MED13L: variants seen among roughly 807,000 people sequenced by gnomAD.
MED13L encodes the protein mediator of RNA polymerase II transcription subunit 13-like.
A neutral mutation model predicts 220.9 loss-of-function variants in MED13L; 7 were observed. The ratio of observed to expected loss-of-function variants is 0.03; its 90% CI spans 0.02 to 0.06. The LOEUF is 0.06. Among genes scored for constraint, MED13L ranks in the 10% least tolerant of loss-of-function variants. The pLI, the probability that MED13L is intolerant of heterozygous loss-of-function variation, is 1.00. For synonymous variants in MED13L, 1,011 were observed against 1,015.2 expected, an observed-to-expected ratio of 1.00 and a Z score of 0.08; for missense variants, 1,965 against 2,760.5, an observed-to-expected ratio of 0.71 and a Z score of 6.46.
intron 2 of MED13L, among the ~76,000 whole-genome samples, chr12:116,166,696 T>C (rs1363597744): frequency 6.6e-6 from 1 of 152,182 alleles, no homozygotes; most frequent in Non-Finnish European, 1.5e-5. Flanking sequence ...CACTGCAGTT[T>C]TGTGTTATTT....
chr12:115,992,025 C>G (rs1878095677), intron 16 of MED13L, 68 bp from the exon 17 acceptor site: 1 of 1,308,120 alleles, frequency 7.6e-7, no homozygotes, highest in African/African-American at 1.5e-5. Context: ...GACACATGAT[C>G]ACCCCAGCCA....
At chr12:116,101,495 T>G (rs1331440564) in intron 3 of MED13L, among the ~76,000 whole-genome samples, 4 of 152,214 alleles carry the variant, frequency 2.6e-5, no homozygotes. Context: ...TATTTGAATT[T>G]TCTTATGTGT....
At chr12:116,251,185 T>C (rs979969544) in intron 1 of MED13L, among the ~76,000 whole-genome samples, 1 of 145,642 alleles carries the variant, frequency 6.9e-6, no homozygotes, top group Non-Finnish European at 1.5e-5. Flanking sequence ...ATGGGACCAA[T>C]AGGGAGGAAA....
Position 116,251,639 on chromosome 12 carries a change from T to G in MED13L, c.73-13934A>C, listed in dbSNP as rs182847714. On this transcript the variant is annotated intron_variant, in intron 1 of 30. Coordinates refer to ENST00000281928, the MANE Select transcript of MED13L (RefSeq NM_015335.5). ...TAGCCAGCATGGTGGCAGGCGCCCA[T>G]AGTCCCAGCTACTCGGGAGGCTGAG... Among the ~76,000 whole-genome samples, 52 of 151,098 alleles carry G rather than the reference T, an allele frequency of 3.4e-4. 2 individuals are homozygous for G. The highest frequency in any genetic ancestry group is 1.1e-3 in the African/African-American group (47 of 41,148).
rs140349023 is a variant in MED13L, at chr12:116,015,139, T to A, written c.1145A>T (p.Lys382Met). The change falls in exon 8 of 31, where the codon AAG becomes ATG. Residue 382 changes from lysine (K) to methionine (M), a missense_variant. By Grantham distance (95) the Lys-to-Met change is moderately conservative. Coordinates refer to ENST00000281928, the MANE Select transcript of MED13L (RefSeq NM_015335.5). Reference sequence around the variant, plus strand: ...CTGGGTTCTGTTGAGGATGCATTCCTTCCAGACTCGATGGACCATATGATT... The same window carrying A: ...CTGGGTTCTGTTGAGGATGCATTCCATCCAGACTCGATGGACCATATGATT... ...LHNHMVHRVW[K>M]ECILNRTQSK... 1 of 1,613,754 alleles carries A rather than the reference T, an allele frequency of 6.2e-7. No homozygotes were observed. Among genetic ancestry groups the A allele is most frequent in the Non-Finnish European group, 8.5e-7 (1 of 1,179,852 alleles).
At chr12:116,180,942 T>A (rs1227800082) in intron 2 of MED13L, among the ~76,000 whole-genome samples, 1 of 151,688 alleles carries the variant, frequency 6.6e-6, no homozygotes, top group African/African-American at 2.4e-5. Flanking sequence ...TTTTTTTTTT[T>A]TTTTTTGAAA....
At chr12:116,127,282 A>G (rs527849564) in intron 2 of MED13L, among the ~76,000 whole-genome samples, 20 of 152,184 alleles carry the variant, frequency 1.3e-4, no homozygotes, top group Non-Finnish European at 1.8e-4. Flanking sequence ...GTTTGTTATA[A>G]CTCATAATTT....
chr12:116,188,715 T>C (rs373894838), intron 2 of MED13L, among the ~76,000 whole-genome samples: 2 of 152,118 alleles, frequency 1.3e-5, no homozygotes, highest in African/African-American at 4.8e-5. Flanking sequence ...TCCCCTTTTA[T>C]AGTTTCACCA....
At chr12:116,084,132 T>C (rs745983181) in intron 4 of MED13L, among the ~76,000 whole-genome samples, 40 of 152,238 alleles carry the variant, frequency 2.6e-4, no homozygotes, top group Non-Finnish European at 2.2e-4. Flanking sequence ...AAGAATCCTC[T>C]AGTTTGAAAT....
rs1020859838 is a variant in MED13L, at chr12:116,258,834, A to G, written c.72+18226T>C. 2.0e-5 allele frequency among the ~76,000 whole-genome samples: 3 copies of G among 151,756 alleles called. No homozygotes were observed. In the East Asian group the frequency reaches 5.8e-4, roughly 29 times the overall value. On this transcript the variant is annotated intron_variant, in intron 1 of 30. Transcript: ENST00000281928. ...TTAAACACTTGAAAAATAAACTCAC[A>G]GAAGAAATCTGGATACCCATATAGA...
At chr12:116,118,332 T>C (rs928092585) in intron 2 of MED13L, among the ~76,000 whole-genome samples, 1 of 151,968 alleles carries the variant, frequency 6.6e-6, no homozygotes, top group Non-Finnish European at 1.5e-5. Flanking sequence ...CAATAGAAAA[T>C]TATAAATTAT....
At chr12:116,008,203 C>T (rs1472147541) in intron 10 of MED13L, 198 bp downstream of exon 10, 1 of 668,510 alleles carries the variant, frequency 1.5e-6, no homozygotes. Context: ...TCTTTATATG[C>T]CCATGTGTCA....
chr12:116,200,383 CAATA>C (rs1881935622), intron 2 of MED13L, among the ~76,000 whole-genome samples: 1 of 152,036 alleles, frequency 6.6e-6, no homozygotes, highest in Non-Finnish European at 1.5e-5. Context: ...ATTATATTCA[CAATA>C]AATTTTCACA....
intron 2 of MED13L, among the ~76,000 whole-genome samples, chr12:116,217,986 G>C (rs765991050): frequency 1.3e-5 from 2 of 152,120 alleles, no homozygotes; most frequent in Non-Finnish European, 2.9e-5. Flanking sequence ...GTCTTTCCCA[G>C]CACACAACAT....
intron 8 of MED13L, 85 bp from the exon 9 acceptor site, chr12:116,012,986 C>T: frequency 1.1e-6 from 1 of 943,328 alleles, no homozygotes; most frequent in Non-Finnish European, 1.7e-6. Context: ...GAATACATTT[C>T]ATTCACATAG....
intron 2 of MED13L, among the ~76,000 whole-genome samples, chr12:116,201,863 A>G (rs1882026621): frequency 6.6e-6 from 1 of 152,218 alleles, no homozygotes; most frequent in African/African-American, 2.4e-5. Context: ...ATAAGTTCTA[A>G]AAAGAATTAG....
chr12:116,232,433 C>CT (rs551463129), intron 2 of MED13L, among the ~76,000 whole-genome samples: 94 of 152,274 alleles, frequency 6.2e-4, no homozygotes, highest in Admixed American at 1.3e-3. Flanking sequence ...TTTCTATCCC[C>CT]TTGGGAATTA....
At chr12:115,992,420 G>C (rs1878124815) in intron 16 of MED13L, among the ~76,000 whole-genome samples, 1 of 151,742 alleles carries the variant, frequency 6.6e-6, no homozygotes, top group South Asian at 2.1e-4. Context: ...GAAATTCAAA[G>C]TCTGCCAGTG....
chr12:116,086,274 A>G (rs554829718), intron 4 of MED13L, among the ~76,000 whole-genome samples: 1 of 145,402 alleles, frequency 6.9e-6, no homozygotes, highest in South Asian at 2.2e-4. Context: ...GCAGTTTTCC[A>G]CGATAATTCT....
Sources: gnomAD v4.1 joint callset for allele counts (sites outside exome capture counted in the v4.1 genomes callset) on GRCh38, gnomAD v4.1.1 for gene constraint, MANE v1.5 for transcripts, NCBI Gene and HGNC (gene_info 2026-07-23, HGNC 2026-07-21) for gene names.